Variants in FBXL18 observed in about 807,000 individuals in gnomAD.
FBXL18 encodes F-box and leucine rich repeat protein 18, also known as F-box/LRR-repeat protein 18.
A neutral mutation model predicts 46.0 loss-of-function variants in FBXL18; 36 were observed. The ratio of observed to expected loss-of-function variants is 0.78; its 90% CI spans 0.60 to 1.03. FBXL18 has a LOEUF of 1.03. FBXL18 is among the 50% of genes least tolerant of loss of function. The pLI, the probability that FBXL18 is intolerant of heterozygous loss-of-function variation, is 0.00. For missense variants in FBXL18, 977 were observed against 1,004.1 expected, an observed-to-expected ratio of 0.97 and a Z score of 0.36; for synonymous variants, 557 against 465.3, an observed-to-expected ratio of 1.20 and a Z score of -2.54.
intron 3 of FBXL18, among the ~76,000 whole-genome samples, chr7:5,493,020 T>C (rs542066406): frequency 6.6e-6 from 1 of 152,250 alleles, no homozygotes; most frequent in Non-Finnish European, 1.5e-5. Flanking sequence ...ATGGAGATTC[T>C]TCCCTGGTAG....
chr7:5,465,425 G>A (rs984630164), intron 4 of FBXL18, among the ~76,000 whole-genome samples: 1 of 151,848 alleles, frequency 6.6e-6, no homozygotes, highest in Non-Finnish European at 1.5e-5. Flanking sequence ...CTTCTGGAAC[G>A]CCTGACCTCA....
intron 4 of FBXL18, among the ~76,000 whole-genome samples, chr7:5,485,355 A>G (rs1373491402): frequency 6.6e-6 from 1 of 152,186 alleles, no homozygotes; most frequent in African/African-American, 2.4e-5. Flanking sequence ...TGCTACGTAC[A>G]TAATGAGGCT....
chr7:5,477,624 C>G lies in FBXL18; in HGVS notation c.*4151G>C, dbSNP rs1783546392. ...GGCTGATGTGGGAGAATCGCTTGAA[C>G]CTGTGAGGTGGAGGTTGTAGTGAGT... On this transcript the variant is annotated 3_prime_UTR_variant, in exon 5 of 5. Transcript: ENST00000382368. The surrounding 1 kb of genome is among the most constrained non-coding windows in gnomAD (Gnocchi z 4.4). Among the ~76,000 whole-genome samples, 1 of 151,932 alleles carries G rather than the reference C, an allele frequency of 6.6e-6. No individual in the cohort carries two copies. The highest frequency in any genetic ancestry group is 1.9e-4 in the East Asian group (1 of 5,174).
intron 4 of FBXL18, among the ~76,000 whole-genome samples, chr7:5,459,748 A>G (rs1343524616): frequency 6.6e-6 from 1 of 151,172 alleles, no homozygotes; most frequent in African/African-American, 2.4e-5. Context: ...TCAAAAAAAA[A>G]AAAAAATACA....
At position 5,477,521 on chromosome 7, in the gene FBXL18, G is replaced by C. The variant is rs1046003121; in HGVS notation, c.*4254C>G. ...AGTTCAAGGCCAGCCTGACCAACAT[G>C]GTGCAACCCCATCTCTGCAAAAATA... On this transcript the variant is annotated 3_prime_UTR_variant, in exon 5 of 5. Coordinates refer to ENST00000382368, the MANE Select transcript of FBXL18 (RefSeq NM_024963.6). This position sits in a 1 kb window ranked among gnomAD's most constrained non-coding sequence, Gnocchi z 4.4. Among the ~76,000 whole-genome samples the C allele has an allele frequency of 6.6e-6, 1 of 152,086 alleles. No individual in the cohort carries two copies. Among genetic ancestry groups the C allele is most frequent in the East Asian group, 1.9e-4 (1 of 5,186 alleles).
chr7:5,463,704 A>ATATATATATATATATATTTTTTT (rs1562672177), intron 4 of FBXL18, among the ~76,000 whole-genome samples: 1 of 43,986 alleles, frequency 2.3e-5, no homozygotes, highest in Non-Finnish European at 4.0e-5. Context: ...CTATATATAT[A>ATATATATATATATATATTTTTTT]TTTATTTATT....
chr7:5,502,140 G>C, intron 2 of FBXL18, 109 bp from the exon 3 acceptor site: 1 of 812,162 alleles, frequency 1.2e-6, no homozygotes, highest in Non-Finnish European at 1.9e-6. Flanking sequence ...TCCACCGGGA[G>C]GGAAGCTCCC....
downstream of FBXL18, among the ~76,000 whole-genome samples, chr7:5,472,323 T>G (rs571059387): frequency 0.014 from 2,163 of 152,208 alleles, 68 homozygotes; most frequent in African/African-American, 0.049. Flanking sequence ...TCCTGGCAAG[T>G]GGGGGGTCTG....
chr7:5,463,702 A>ATATATATT (rs1479898344), intron 4 of FBXL18, among the ~76,000 whole-genome samples: 74 of 69,026 alleles, frequency 1.1e-3, no homozygotes, highest in South Asian at 2.0e-3. Flanking sequence ...AACTATATAT[A>ATATATATT]TATTTATTTA....
In FBXL18 at chr7:5,455,477, G is replaced by A. The variant is rs1345711892; in HGVS notation, c.2001-7634C>T. ...GAGCACTACCTTAGTCTCCTTGCTC[G>A]CCACTGGCTTCACTGGCGTCAGAAG... On this transcript the variant is annotated intron_variant and NMD_transcript_variant, in intron 4 of 6. Coordinates refer to the FBXL18 transcript ENST00000415009. The surrounding 1 kb of genome is among the most constrained non-coding windows in gnomAD (Gnocchi z 4.6). 6.6e-6 allele frequency among the ~76,000 whole-genome samples: 1 copy of A among 152,018 alleles called. No homozygotes were observed. The highest frequency in any genetic ancestry group is 2.1e-4 in the South Asian group (1 of 4,818).
At position 5,501,180 on chromosome 7, in the gene FBXL18, G is replaced by T; in HGVS notation, c.1089C>A (p.Leu363=). 1.2e-6 allele frequency: 2 copies of T among 1,613,332 alleles called. No homozygotes were observed. The highest frequency in any genetic ancestry group is 1.7e-6 in the Non-Finnish European group (2 of 1,179,742). Residue 363 remains leucine (L), a synonymous_variant, in exon 3 of 5, where the codon CTC becomes CTA. Coordinates refer to ENST00000382368, the MANE Select transcript of FBXL18 (RefSeq NM_024963.6). ...TGTCGATGTCGTCCTCCGCCTTGCG[G>T]AGCAGCGAGTCTGGGGACAGGCAGT... The part of the protein sequence containing the change: ...CVHCLSPDSL[L]RKAEDDIDSS...
At chr7:5,474,468 G>A (rs560210137), downstream of FBXL18, among the ~76,000 whole-genome samples, 45 of 150,340 alleles carry the variant, frequency 3.0e-4, no homozygotes, top group African/African-American at 1.0e-3. Context: ...GGTGTGTGCC[G>A]CCATGCCCGG....
rs758498023 is a variant in FBXL18 at position 5,501,465 on chromosome 7, G to A, written c.804C>T (p.Ser268=). Residue 268 remains serine (S), a synonymous_variant, in exon 3 of 5, where the codon TCC becomes TCT. Transcript: ENST00000382368. ...TPQNLHAFLI[S]VPGSFAESGA... is the part of the protein sequence containing the mutation. Reference sequence around the variant, plus strand: ...CGCTCTCCGCGAAGCTGCCAGGGACGGAGATGAGGAAGGCGTGGAGGTTCT... The same window carrying A: ...CGCTCTCCGCGAAGCTGCCAGGGACAGAGATGAGGAAGGCGTGGAGGTTCT... The A allele has an allele frequency of 6.9e-5, 112 of 1,613,806 alleles. No individual in the cohort carries two copies. The South Asian group carries it at 7.1e-4, about 10-fold the overall frequency.
In FBXL18 at chr7:5,491,316, G is replaced by C. The variant is rs372737665; in HGVS notation, c.1915C>G (p.Arg639Gly). ...QPDAVLAFMA[R>G]CLQVVMCHLF... ...TGGCACATGACAACCTGCAGGCAGC[G>C]AGCCATGAAGGCCAGCACGGCATCG... The change falls in exon 4 of 5, where the codon CGC (arginine) becomes GGC (glycine). Residue 639 changes from arginine to glycine, a missense_variant. Coordinates refer to ENST00000382368, the MANE Select transcript of FBXL18 (RefSeq NM_024963.6). The C allele has an allele frequency of 4.3e-6, 7 of 1,612,464 alleles. No homozygotes were observed. In the African/African-American group the frequency reaches 8.0e-5, roughly 18 times the overall value.
intron 4 of FBXL18, among the ~76,000 whole-genome samples, chr7:5,467,265 G>A (rs1184500742): frequency 1.3e-5 from 2 of 151,888 alleles, no homozygotes; most frequent in South Asian, 4.1e-4. Flanking sequence ...GCAGAAGAAT[G>A]GCCTGAACCT....
Position 5,496,651 on chromosome 7 carries a change from G to C in FBXL18, c.1781+3837C>G, listed in dbSNP as rs1243653941. Among the ~76,000 whole-genome samples, 1 of 152,150 alleles carries C rather than the reference G, an allele frequency of 6.6e-6. No homozygotes were observed. The highest frequency in any genetic ancestry group is 2.4e-5 in the African/African-American group (1 of 41,430). ...GATCCCAGCCCTTTGGGCGGCCCAG[G>C]CAAGAGGATCACTTGAGCCCAGGAG... On this transcript the variant is annotated intron_variant, in intron 3 of 4. Coordinates refer to ENST00000382368, the MANE Select transcript of FBXL18 (RefSeq NM_024963.6). This position sits in a 1 kb window ranked among gnomAD's most constrained non-coding sequence, Gnocchi z 4.8.
Position 5,462,963 on chromosome 7 carries a change from AAAAAAAAT to A in FBXL18, c.2001-15128_2001-15121del, listed in dbSNP as rs1162352976. 4.8e-3 allele frequency among the ~76,000 whole-genome samples: 98 copies of A among 20,224 alleles called. 1 individual carries two copies. Among genetic ancestry groups the A allele is most frequent in the South Asian group, 0.013 (5 of 374 alleles). The allele number at this position is 20,224 out of a possible 152,430, so 13.3% of individuals were successfully genotyped here. On this transcript the variant is annotated intron_variant and NMD_transcript_variant, in intron 4 of 6. Coordinates refer to the FBXL18 transcript ENST00000415009. ...GAGACTTGGTCTCAAAAAAAAAAAA[AAAAAAAAT>A]ATATATATATATATATATATATATA...
chr7:5,465,614 G>A (rs1282907728), intron 4 of FBXL18, among the ~76,000 whole-genome samples: 4 of 151,954 alleles, frequency 2.6e-5, no homozygotes, highest in African/African-American at 9.7e-5. Context: ...TCCAGCTCGG[G>A]CAACAGAGCA....
Position 5,513,648 on chromosome 7 carries a change from G to A in FBXL18, c.18+9C>T, listed in dbSNP as rs1784599238. 1 of 1,611,732 alleles carries A rather than the reference G, an allele frequency of 6.2e-7. No homozygotes were observed. Among genetic ancestry groups the A allele is most frequent in the Non-Finnish European group, 8.5e-7 (1 of 1,179,008 alleles). Reference sequence around the variant, plus strand: ...GCAGAAGCAGAGCGGAGACAGTCGCGGACAGTACCTCTCCGGAGCTGGCCA... The same window carrying A: ...GCAGAAGCAGAGCGGAGACAGTCGCAGACAGTACCTCTCCGGAGCTGGCCA... On this transcript the variant is annotated intron_variant, in intron 1 of 4. Coordinates refer to ENST00000382368, the MANE Select transcript of FBXL18 (RefSeq NM_024963.6).
Sources: allele counts gnomAD v4.1 joint callset (sites outside exome capture counted in the v4.1 genomes callset), GRCh38; gene constraint gnomAD v4.1.1; non-coding constraint Gnocchi (gnomAD v3.1); transcripts MANE v1.5; gene names NCBI Gene and HGNC (gene_info 2026-07-23, HGNC 2026-07-21).